The following PACC1 variants were observed in gnomAD, a reference collection of about 807,000 sequenced individuals.
The protein encoded by PACC1 is proton-activated chloride channel.
A neutral mutation model predicts 39.7 loss-of-function variants in PACC1; 34 were observed. The ratio of observed to expected loss-of-function variants is 0.86; its 90% confidence interval spans 0.65 to 1.14. The LOEUF (loss-of-function observed/expected upper bound fraction) is 1.14. Ranked by LOEUF, PACC1 falls within the 50% of genes most tolerant of loss-of-function variation. The pLI, the probability that PACC1 is intolerant of heterozygous loss-of-function variation, is 0.00. For synonymous variants in PACC1, 127 were observed against 160.6 expected (o/e 0.79, Z 1.58); for missense variants, 379 against 436.4 (o/e 0.87, Z 1.17).
At chr1:212,372,538 T>G (rs913710566) in intron 7 of PACC1, among the ~76,000 whole-genome samples, 1 of 152,096 alleles carries the variant, frequency 6.6e-6, no homozygotes, top group Non-Finnish European at 1.5e-5. Context: ...GCATCTGAAT[T>G]GAAAAGAAGT....
At chr1:212,379,688 C>T (rs1015067223) in intron 5 of PACC1, among the ~76,000 whole-genome samples, 1 of 152,180 alleles carries the variant, frequency 6.6e-6, no homozygotes, top group African/African-American at 2.4e-5. Flanking sequence ...AGCCAGCATG[C>T]TCCTCCACAC....
At chr1:212,378,150 G>A (rs2102481834) in intron 5 of PACC1, among the ~76,000 whole-genome samples, 1 of 152,344 alleles carries the variant, frequency 6.6e-6, no homozygotes, top group South Asian at 2.1e-4. Flanking sequence ...GGCCCAAAGA[G>A]GGGAAGAGGG....
intron 7 of PACC1, among the ~76,000 whole-genome samples, chr1:212,366,426 G>A (rs1008359269): frequency 1.1e-4 from 17 of 148,030 alleles, no homozygotes; most frequent in Admixed American, 7.6e-4. Context: ...TCAGCCTCCC[G>A]AGTAGCTGAG....
chr1:212,388,417 T>C (rs1398708195), intron 2 of PACC1, among the ~76,000 whole-genome samples: 1 of 152,204 alleles, frequency 6.6e-6, no homozygotes, highest in Non-Finnish European at 1.5e-5. Context: ...GATTAATCTC[T>C]GTTATGGACG....
chr1:212,379,815 C>T (rs931895862), intron 5 of PACC1, 80 bp downstream of exon 5: 47 of 1,561,858 alleles, frequency 3.0e-5, no homozygotes, highest in African/African-American at 2.5e-4. Flanking sequence ...CTCACCCCTC[C>T]GTCTCTAGCC....
chr1:212,410,155 A>G lies in PACC1; in HGVS notation c.133+270T>C, dbSNP rs78877298. ...TAGCAGTTTCCAGGGAAAGAGGAAC[A>G]GAAGAGCAGAGATCCAAAGCATTTG... On this transcript the variant is annotated intron_variant, in intron 2 of 7. Transcript: ENST00000261455. 1,036 of 396,660 alleles carry G rather than the reference A, an allele frequency of 2.6e-3. 1 individual carries two copies. The highest frequency in any genetic ancestry group is 0.015 in the Middle Eastern group (20 of 1,336). The allele number at this position is 396,660 out of a possible 1,614,324, so 24.6% of individuals were successfully genotyped here.
chr1:212,369,060 A>G (rs981195592), intron 7 of PACC1, among the ~76,000 whole-genome samples: 13 of 151,836 alleles, frequency 8.6e-5, no homozygotes, highest in East Asian at 5.8e-4. Context: ...CAAAAATATA[A>G]ATAGATATAA....
intron 7 of PACC1, among the ~76,000 whole-genome samples, chr1:212,369,346 A>C (rs1660360838): frequency 6.6e-6 from 1 of 152,258 alleles, no homozygotes; most frequent in Admixed American, 6.5e-5. Flanking sequence ...TAGCCGTAGT[A>C]AGTCCTTCTC....
intron 4 of PACC1, among the ~76,000 whole-genome samples, chr1:212,384,199 G>A (rs574435946): frequency 6.6e-5 from 10 of 152,144 alleles, no homozygotes; most frequent in South Asian, 2.1e-4. Flanking sequence ...CTTTCTTCAC[G>A]TGCAAAGCTA....
intron 2 of PACC1, among the ~76,000 whole-genome samples, chr1:212,408,021 C>T (rs1453740930): frequency 1.3e-5 from 2 of 150,720 alleles, no homozygotes; most frequent in Admixed American, 1.3e-4. Context: ...TTGCAATGAG[C>T]CGAGACTGTG....
In PACC1 at chr1:212,373,541, A is replaced by G. The variant is rs117033718; in HGVS notation, c.891+1652T>C. On this transcript the variant is annotated intron_variant, in intron 7 of 7. Transcript: ENST00000261455. ...AAGCTTCTGTACAGCAAAGGAAACA[A>G]TCAACAAAGTTAAGAGACAACCTAC... Among the ~76,000 whole-genome samples the G allele has an allele frequency of 7.3e-3, 1,110 of 152,350 alleles. 39 individuals are homozygous for G. The highest frequency in any genetic ancestry group is 0.056 in the East Asian group (289 of 5,192).
At chr1:212,365,415 C>A (rs930541806) in intron 7 of PACC1, 39 bp from the exon 8 acceptor site, 4 of 1,334,218 alleles carry the variant, frequency 3.0e-6, no homozygotes, top group Non-Finnish European at 4.1e-6. Context: ...TACTGGTTTG[C>A]TTCAGTCTTG....
At chr1:212,380,484 T>C (rs1660837895) in intron 4 of PACC1, among the ~76,000 whole-genome samples, 1 of 152,166 alleles carries the variant, frequency 6.6e-6, no homozygotes, top group Non-Finnish European at 1.5e-5. Flanking sequence ...CAAAATTATA[T>C]CAATATTCTC....
At chr1:212,381,770 G>GACACACACACACAC (rs10529310) in intron 4 of PACC1, among the ~76,000 whole-genome samples, 3,972 of 118,006 alleles carry the variant, frequency 0.034, 169 homozygotes, top group African/African-American at 0.056. Context: ...ACAGCACAGT[G>GACACACACACACAC]ACACACACAC....
At chr1:212,410,335 G>T (rs1468638601) in intron 2 of PACC1, 90 bp downstream of exon 2, 1 of 1,153,006 alleles carries the variant, frequency 8.7e-7, no homozygotes, top group Non-Finnish European at 1.3e-6. Flanking sequence ...GTGCAGGGAA[G>T]GGGGCTCCTC....
chr1:212,374,654 T>C (rs1466627039), intron 7 of PACC1, among the ~76,000 whole-genome samples: 1 of 152,250 alleles, frequency 6.6e-6, no homozygotes, highest in Admixed American at 6.5e-5. Flanking sequence ...ATATTACATG[T>C]ACCACATAAA....
At chr1:212,388,703 G>A (rs761554186) in intron 2 of PACC1, among the ~76,000 whole-genome samples, 17 of 152,196 alleles carry the variant, frequency 1.1e-4, no homozygotes, top group Non-Finnish European at 2.2e-4. Context: ...CCTTGATATT[G>A]GATTCTCGCT....
At chr1:212,369,025 CAAAAA>C (rs60126911) in intron 7 of PACC1, among the ~76,000 whole-genome samples, 9 of 122,860 alleles carry the variant, frequency 7.3e-5, no homozygotes, top group East Asian at 4.4e-4. Context: ...GACTCCGTCT[CAAAAA>C]AAAAAAAAAA....
intron 1 of PACC1, chr1:212,413,947 G>T: frequency 2.6e-6 from 4 of 1,535,706 alleles, no homozygotes; most frequent in Non-Finnish European, 3.5e-6. Context: ...GAGGGGCACA[G>T]AAGAGGACGG....
Sources: allele counts gnomAD v4.1 joint callset (sites outside exome capture counted in the v4.1 genomes callset), GRCh38; gene constraint gnomAD v4.1.1; transcripts MANE v1.5; gene names NCBI Gene and HGNC (gene_info 2026-07-23, HGNC 2026-07-21).